The following NKAIN2 variants were observed in gnomAD, a reference collection of about 807,000 sequenced individuals.
NKAIN2 encodes the protein sodium/potassium transporting ATPase interacting 2.
NKAIN2 carries 14 observed loss-of-function variants against 32.6 expected under a neutral mutation model. That is an observed-to-expected ratio of 0.43 (90% confidence interval 0.28 to 0.67). The LOEUF (loss-of-function observed/expected upper bound fraction) is 0.67. NKAIN2 is among the 30% of genes least tolerant of loss of function. NKAIN2 has a pLI of 0.17. For missense variants in NKAIN2, 198 were observed against 258.3 expected (o/e 0.77, Z 1.60); for synonymous variants, 80 against 87.2 (o/e 0.92, Z 0.46).
intron 1 of NKAIN2, among the ~76,000 whole-genome samples, chr6:124,219,373 G>T (rs372146310): frequency 9.6e-4 from 146 of 151,528 alleles, no homozygotes; most frequent in African/African-American, 3.4e-3. Flanking sequence ...CGCCTCCTGG[G>T]TTTAAGTGAT....
chr6:124,657,816 T>C (rs566315617), intron 3 of NKAIN2, among the ~76,000 whole-genome samples: 2 of 152,026 alleles, frequency 1.3e-5, no homozygotes, highest in Non-Finnish European at 2.9e-5. Context: ...AGATTTAGAA[T>C]AGCATGAACT....
chr6:124,691,537 G>A (rs765431472), intron 4 of NKAIN2, among the ~76,000 whole-genome samples: 3 of 151,968 alleles, frequency 2.0e-5, no homozygotes, highest in Non-Finnish European at 4.4e-5. Context: ...CCCGCCCCAC[G>A]TGTTGTCTCC....
At chr6:124,362,522 C>A (rs1044689992) in intron 3 of NKAIN2, among the ~76,000 whole-genome samples, 1 of 152,034 alleles carries the variant, frequency 6.6e-6, no homozygotes, top group Non-Finnish European at 1.5e-5. Flanking sequence ...AGTTCATGAA[C>A]CTTTCTTATT....
chr6:124,815,314 A>G (rs113721602), intron 5 of NKAIN2, among the ~76,000 whole-genome samples: 9,069 of 144,990 alleles, frequency 0.063, 361 homozygotes, highest in Admixed American at 0.11. Context: ...CCCTCCTGTC[A>G]CCCAGCTGGA....
intron 1 of NKAIN2, among the ~76,000 whole-genome samples, chr6:124,230,713 G>A (rs777974391): frequency 2.6e-5 from 4 of 152,190 alleles, no homozygotes; most frequent in African/African-American, 7.2e-5. Flanking sequence ...AGCTTCATGC[G>A]GGTGCACCGA....
chr6:124,245,527 T>G lies in NKAIN2; in HGVS notation c.55-37478T>G, dbSNP rs1793351378. ...ATTTGCTAAGAAAAAAAATGTTGATTACTCTTCAGCTTGAACTTATATTGC... is the reference window on the plus strand; with the variant it reads ...ATTTGCTAAGAAAAAAAATGTTGATGACTCTTCAGCTTGAACTTATATTGC... On this transcript the variant is annotated intron_variant, in intron 1 of 6. Transcript: ENST00000368417. Among the ~76,000 whole-genome samples the G allele has an allele frequency of 2.0e-5, 3 of 152,108 alleles. No individual in the cohort carries two copies. The South Asian group carries it at 6.2e-4, about 31-fold the overall frequency.
intron 2 of NKAIN2, among the ~76,000 whole-genome samples, chr6:124,339,586 T>G (rs1046282915): frequency 1.3e-5 from 2 of 152,152 alleles, no homozygotes; most frequent in African/African-American, 4.8e-5. Flanking sequence ...ATCAATTTCT[T>G]TTTGTGTGTG....
intron 2 of NKAIN2, among the ~76,000 whole-genome samples, chr6:124,340,278 C>T (rs1472796023): frequency 6.6e-6 from 1 of 152,106 alleles, no homozygotes. Context: ...CTATGAATTA[C>T]ACATCTACAT....
intron 1 of NKAIN2, among the ~76,000 whole-genome samples, chr6:124,255,891 G>A (rs1167312029): frequency 6.6e-6 from 1 of 152,152 alleles, no homozygotes; most frequent in Admixed American, 6.6e-5. Context: ...ACATTCTGTG[G>A]CGCTGGTGTC....
intron 3 of NKAIN2, among the ~76,000 whole-genome samples, chr6:124,415,878 C>CTTTTTTTTTTTTTTTTTTTCT: frequency 1.4e-5 from 1 of 72,590 alleles, no homozygotes; most frequent in Non-Finnish European, 2.6e-5. Context: ...TTTTTATTTG[C>CTTTTTTTTTTTTTTTTTTTCT]TTTTTTTTTT....
intron 5 of NKAIN2, among the ~76,000 whole-genome samples, chr6:124,799,265 A>C (rs2114826844): frequency 6.6e-6 from 1 of 152,322 alleles, no homozygotes; most frequent in African/African-American, 2.4e-5. Flanking sequence ...ATCTCCCCAG[A>C]TTGGTGAGCA....
intron 1 of NKAIN2, among the ~76,000 whole-genome samples, chr6:123,963,750 C>T (rs756792013): frequency 4.6e-5 from 7 of 152,010 alleles, no homozygotes; most frequent in African/African-American, 1.7e-4. Flanking sequence ...CAAAACAATC[C>T]GTCTGAAGTC....
intron 4 of NKAIN2, among the ~76,000 whole-genome samples, chr6:124,725,776 T>C (rs1021564350): frequency 1.3e-5 from 2 of 152,216 alleles, no homozygotes; most frequent in Admixed American, 6.5e-5. Flanking sequence ...CGGTGATTTC[T>C]GCATTTCCAT....
At chr6:123,902,766 C>A (rs1436274403) in intron 1 of NKAIN2, among the ~76,000 whole-genome samples, 3 of 152,130 alleles carry the variant, frequency 2.0e-5, no homozygotes, top group Non-Finnish European at 2.9e-5. Context: ...AAACAGCTGT[C>A]AGATAAATTA....
chr6:124,129,406 G>A (rs572399868), intron 1 of NKAIN2, among the ~76,000 whole-genome samples: 1 of 152,278 alleles, frequency 6.6e-6, no homozygotes, highest in Non-Finnish European at 1.5e-5. Context: ...CAAAGCTATG[G>A]AGACCACAAT....
chr6:124,168,597 C>T (rs1222602959), intron 1 of NKAIN2, among the ~76,000 whole-genome samples: 1 of 151,722 alleles, frequency 6.6e-6, no homozygotes, highest in African/African-American at 2.4e-5. Flanking sequence ...AATGACATAT[C>T]TAACATAAAA....
intron 1 of NKAIN2, among the ~76,000 whole-genome samples, chr6:123,912,183 A>G (rs974921995): frequency 3.3e-5 from 5 of 152,094 alleles, no homozygotes; most frequent in Non-Finnish European, 7.4e-5. Context: ...CATGTGAGTC[A>G]TCTTTTCCCA....
intron 1 of NKAIN2, among the ~76,000 whole-genome samples, chr6:124,145,562 A>G (rs112072702): frequency 2.1e-4 from 32 of 151,832 alleles, no homozygotes; most frequent in African/African-American, 7.5e-4. Context: ...CTGGAGTGCA[A>G]TGGCGCCATC....
intron 1 of NKAIN2, among the ~76,000 whole-genome samples, chr6:123,973,750 T>C (rs1297211518): frequency 6.6e-6 from 1 of 152,070 alleles, no homozygotes; most frequent in South Asian, 2.1e-4. Context: ...TGTTTCACCA[T>C]GTATATGAAT....
Sources: gnomAD v4.1 joint callset for allele counts (sites outside exome capture counted in the v4.1 genomes callset) on GRCh38, gnomAD v4.1.1 for gene constraint, MANE v1.5 for transcripts, NCBI Gene and HGNC (gene_info 2026-07-23, HGNC 2026-07-21) for gene names.